Variants in MAST4 observed in about 807,000 individuals in gnomAD.
MAST4 encodes the protein microtubule associated serine/threonine kinase family member 4.
In MAST4, 89 loss-of-function variants were observed where a neutral mutation model predicts 162.7. The ratio of observed to expected loss-of-function variants is 0.55; its 90% CI spans 0.46 to 0.65. MAST4 has a LOEUF of 0.65. MAST4 is among the 30% of genes least tolerant of loss of function. MAST4 has a pLI of 0.00. For missense variants in MAST4, 3,153 were observed against 3,374.0 expected (o/e 0.93, Z 1.62); for synonymous variants, 1,479 against 1,361.1 (o/e 1.09, Z -1.91).
intron 1 of MAST4, among the ~76,000 whole-genome samples, chr5:66,638,771 A>T (rs1183015515): frequency 1.3e-5 from 2 of 152,054 alleles, no homozygotes; most frequent in African/African-American, 4.8e-5. Flanking sequence ...ATTTTCTTAC[A>T]CTTGTACTGT....
rs367809157 is a variant in MAST4, at chr5:67,157,048, A to G, written c.3649-3408A>G. 6.6e-5 allele frequency among the ~76,000 whole-genome samples: 10 copies of G among 152,366 alleles called. No homozygotes were observed. In the South Asian group the frequency reaches 1.0e-3, roughly 16 times the overall value. On this transcript the variant is annotated intron_variant, in intron 26 of 28. Coordinates refer to ENST00000403625, the MANE Select transcript of MAST4 (RefSeq NM_001164664.2). ...TTTGTTATTTTTTTAAACAAGTGCTACAGAAATTCTTCTATACAAGGTCAG... is the reference window on the plus strand; with the variant it reads ...TTTGTTATTTTTTTAAACAAGTGCTGCAGAAATTCTTCTATACAAGGTCAG...
rs372321662 is a variant in MAST4 at position 67,163,290 on chromosome 5, G to T, written c.4111G>T (p.Ala1371Ser). 4.3e-6 allele frequency: 7 copies of T among 1,613,078 alleles called. No homozygotes were observed. Among genetic ancestry groups the T allele is most frequent in the South Asian group, 1.1e-5 (1 of 91,082 alleles). Residue 1371 changes from alanine to serine, a missense_variant, in exon 29 of 29, where the codon GCC (alanine) becomes TCC (serine). Ala to Ser is a moderately conservative substitution (Grantham distance 99, BLOSUM62 1). Around this residue, in one of 7 missense-constraint regions of MAST4, gnomAD observed 619 missense variants for 744.2 expected, o/e 0.83. Coordinates refer to ENST00000403625, the MANE Select transcript of MAST4 (RefSeq NM_001164664.2). This position sits in a 1 kb window ranked among gnomAD's most constrained non-coding sequence, Gnocchi z 7.0. ...GTACCGGTCCGGAAGGCGAAAGTCC[G>T]CCGGCAACATCCCACTGTCCCCGCT... Reference protein sequence around the residue: ...QRYRSGRRKSAGNIPLSPLAR... With the variant: ...QRYRSGRRKSSGNIPLSPLAR...
intron 1 of MAST4, among the ~76,000 whole-genome samples, chr5:66,659,422 A>G (rs1379762247): frequency 2.0e-5 from 3 of 152,224 alleles, no homozygotes; most frequent in Non-Finnish European, 4.4e-5. Context: ...GCTGTAGGCA[A>G]TGAGACAGTG....
At chr5:66,642,014 A>G (rs1174640956) in intron 1 of MAST4, among the ~76,000 whole-genome samples, 2 of 152,236 alleles carry the variant, frequency 1.3e-5, no homozygotes, top group Non-Finnish European at 2.9e-5. Flanking sequence ...CATTTAGAAT[A>G]TTACCGTTTT....
chr5:67,133,455 G>A, intron 16 of MAST4, 59 bp from the exon 17 acceptor site: 4 of 1,578,446 alleles, frequency 2.5e-6, no homozygotes, highest in Non-Finnish European at 3.5e-6. Context: ...GGGAGGAAAT[G>A]AAAATAGATA....
In MAST4 at chr5:66,805,121, ATATT is replaced by A. The variant is rs1756122637; in HGVS notation, c.642+16330_642+16333del. ...TTTCTTCTCATATCTTTAGGGGTTA[ATATT>A]TAGTGTTTAACCTGTTTGGAACTCA... On this transcript the variant is annotated intron_variant, in intron 3 of 28. Coordinates refer to ENST00000403625, the MANE Select transcript of MAST4 (RefSeq NM_001164664.2). Among the ~76,000 whole-genome samples, 5 of 152,288 alleles carry A rather than the reference ATATT, an allele frequency of 3.3e-5. No homozygotes were observed. The South Asian group carries it at 1.0e-3, about 32-fold the overall frequency.
At chr5:67,060,440 T>G (rs1001086941) in intron 5 of MAST4, among the ~76,000 whole-genome samples, 1 of 150,784 alleles carries the variant, frequency 6.6e-6, no homozygotes, top group African/African-American at 2.4e-5. Flanking sequence ...AAGCAGATAT[T>G]CCAGTGTGCC....
At chr5:66,784,359 C>T (rs1755014159) in intron 2 of MAST4, among the ~76,000 whole-genome samples, 1 of 152,084 alleles carries the variant, frequency 6.6e-6, no homozygotes, top group Non-Finnish European at 1.5e-5. Flanking sequence ...ACCTATCAGC[C>T]AGCTTTATCA....
chr5:67,003,540 T>G (rs1021795725), intron 4 of MAST4, among the ~76,000 whole-genome samples: 7 of 152,236 alleles, frequency 4.6e-5, no homozygotes, highest in Non-Finnish European at 8.8e-5. Flanking sequence ...CTGCATGGAC[T>G]AAGCCATTTT....
chr5:66,735,724 A>G (rs1165484244), intron 1 of MAST4, among the ~76,000 whole-genome samples: 1 of 152,212 alleles, frequency 6.6e-6, no homozygotes, highest in East Asian at 1.9e-4. Context: ...CGACTCTTAA[A>G]GGTTAAAAGT....
intron 3 of MAST4, among the ~76,000 whole-genome samples, chr5:66,862,270 CA>C (rs1209544636): frequency 6.6e-6 from 1 of 152,140 alleles, no homozygotes; most frequent in African/African-American, 2.4e-5. Flanking sequence ...CCAAATTTCC[CA>C]GTGGAAAATT....
In MAST4 at chr5:66,637,237, C is replaced by T. The variant is rs568995700; in HGVS notation, c.363+40219C>T. Among the ~76,000 whole-genome samples, 844 of 100,084 alleles carry T rather than the reference C, an allele frequency of 8.4e-3. 8 individuals carry two copies. Among genetic ancestry groups the T allele is most frequent in the African/African-American group, 0.034 (805 of 23,896 alleles). 65.7% of individuals were successfully genotyped at this position (100,084 alleles called of 152,430 possible). On this transcript the variant is annotated intron_variant, in intron 1 of 28. Transcript: ENST00000403625. ...TTTCTATTGGGCATAGGATTATTTC[C>T]ATTCTTTTTTTTTTTTTAATGTTGC... is the stretch of plus-strand genomic sequence containing the variant.
chr5:67,022,572 A>G (rs1754117582), intron 4 of MAST4, among the ~76,000 whole-genome samples: 1 of 152,186 alleles, frequency 6.6e-6, no homozygotes, highest in South Asian at 2.1e-4. Flanking sequence ...TGGATAAAAG[A>G]TACTTTTATA....
At chr5:67,081,960 C>T (rs951130994) in intron 5 of MAST4, among the ~76,000 whole-genome samples, 2 of 152,070 alleles carry the variant, frequency 1.3e-5, no homozygotes, top group Admixed American at 6.5e-5. Flanking sequence ...ACCTTAGCCA[C>T]GTGACCAAAG....
chr5:66,645,351 T>C (rs1331152929), intron 1 of MAST4, among the ~76,000 whole-genome samples: 2 of 152,190 alleles, frequency 1.3e-5, no homozygotes, highest in African/African-American at 4.8e-5. Flanking sequence ...CGTGGCATTA[T>C]AAATTTTGTT....
At chr5:66,825,439 A>G (rs1482941632) in intron 3 of MAST4, among the ~76,000 whole-genome samples, 3 of 152,218 alleles carry the variant, frequency 2.0e-5, no homozygotes, top group South Asian at 2.1e-4. Context: ...AAATGTCAGT[A>G]TGTAGCACAT....
intron 3 of MAST4, among the ~76,000 whole-genome samples, chr5:66,867,120 C>T (rs961791358): frequency 6.6e-6 from 1 of 152,046 alleles, no homozygotes; most frequent in African/African-American, 2.4e-5. Context: ...CAAATATATG[C>T]TCCGATATAT....
chr5:67,057,591 TA>T (rs11351677), intron 5 of MAST4, among the ~76,000 whole-genome samples: 38,446 of 111,342 alleles, frequency 0.35, 5,794 homozygotes, highest in African/African-American at 0.47. Context: ...ACAGTCTCAT[TA>T]AAAAAAAAAA....
chr5:66,875,724 C>T (rs1392929375), intron 3 of MAST4, among the ~76,000 whole-genome samples: 17 of 152,106 alleles, frequency 1.1e-4, no homozygotes, highest in Admixed American at 1.1e-3. Context: ...AAAATGTCTG[C>T]ATTATTAAAA....
Sources: allele counts gnomAD v4.1 joint callset (sites outside exome capture counted in the v4.1 genomes callset), GRCh38; gene constraint gnomAD v4.1.1; regional missense constraint gnomAD v4.1.1; non-coding constraint Gnocchi (gnomAD v3.1); transcripts MANE v1.5; gene names NCBI Gene and HGNC (gene_info 2026-07-23, HGNC 2026-07-21).